The following UBP1 variants were observed in gnomAD, a reference collection of about 807,000 sequenced individuals.
UBP1 encodes upstream binding protein 1, also known as upstream-binding protein 1.
UBP1 carries 22 observed loss-of-function variants against 76.1 expected under a neutral mutation model. That is an observed-to-expected ratio of 0.29 (90% CI 0.21 to 0.41). The LOEUF is 0.41. Ranked by LOEUF, UBP1 falls within the 10% of genes least tolerant of loss-of-function variation. The probability of loss-of-function intolerance (pLI) is 1.00; values close to 1 mark genes in which losing one functional copy is unlikely to be tolerated. For synonymous variants in UBP1, 224 were observed against 237.1 expected (o/e 0.94, Z 0.51); for missense variants, 436 against 668.1 (o/e 0.65, Z 3.83).
chr3:33,394,817 G>GT (rs76142927), intron 13 of UBP1, among the ~76,000 whole-genome samples: 13,556 of 110,396 alleles, frequency 0.12, 2,135 homozygotes, highest in African/African-American at 0.36. Flanking sequence ...CCCTCCACTT[G>GT]TTTTTTTTTT....
chr3:33,402,020 AT>A (rs2044249367), intron 9 of UBP1, among the ~76,000 whole-genome samples: 1 of 152,182 alleles, frequency 6.6e-6, no homozygotes, highest in Non-Finnish European at 1.5e-5. Context: ...GGGAGAGCAC[AT>A]TTTTGCTTGC....
chr3:33,394,206 A>C lies in UBP1; in HGVS notation c.1391-752T>G, dbSNP rs1346185428. On this transcript the variant is annotated intron_variant, in intron 13 of 15. Coordinates refer to ENST00000283629, the MANE Select transcript of UBP1 (RefSeq NM_014517.5). ...CTGGCTAATTTTTATTATTATTATT[A>C]TTATTATTATTATTATTATTTGTAG... Among the ~76,000 whole-genome samples the C allele has an allele frequency of 2.0e-5, 3 of 148,268 alleles. No individual in the cohort carries two copies. In the East Asian group the frequency reaches 5.9e-4, roughly 29 times the overall value.
At chr3:33,427,166 T>C (rs1376168354) in intron 1 of UBP1, among the ~76,000 whole-genome samples, 2 of 152,206 alleles carry the variant, frequency 1.3e-5, no homozygotes, top group Non-Finnish European at 2.9e-5. Flanking sequence ...GGTTTCGCCA[T>C]GTAGGCCAGA....
intron 4 of UBP1, among the ~76,000 whole-genome samples, 160 bp downstream of exon 4, chr3:33,412,560 CGA>C (rs1325735132): frequency 4.1e-5 from 6 of 145,572 alleles, no homozygotes; most frequent in Non-Finnish European, 8.9e-5. Context: ...TTATCCTGGG[CGA>C]GAGAGCAAGG....
intron 14 of UBP1, chr3:33,392,950 T>G (rs1156633144): frequency 9.3e-6 from 3 of 321,786 alleles, no homozygotes. Flanking sequence ...GGGGAAAAAT[T>G]ATATATCTTA....
rs184508084 is a variant in UBP1, at chr3:33,424,844, G to C, written c.265+746C>G. On this transcript the variant is annotated intron_variant, in intron 2 of 15. Transcript: ENST00000283629. Reference sequence around the variant, plus strand: ...GCGGATCACTTAAGGTCAGGAGTCTGAGACTAGCCTGGCCAACATGGTGAA... The same window carrying C: ...GCGGATCACTTAAGGTCAGGAGTCTCAGACTAGCCTGGCCAACATGGTGAA... Among the ~76,000 whole-genome samples the C allele has an allele frequency of 1.0e-3, 152 of 152,288 alleles. 2 individuals carry two copies. Among genetic ancestry groups the C allele is most frequent in the African/African-American group, 3.5e-3 (147 of 41,564 alleles).
rs773747686 is a variant in UBP1, at chr3:33,390,404, G to A, written c.1586-36C>T. ...AGGAAAGACAGTATTTCTTCAGTCA[G>A]GCTTAGGAAATTAAGCCTATTAAAT... On this transcript the variant is annotated intron_variant, in intron 15 of 15. Transcript: ENST00000283629. The A allele has an allele frequency of 8.7e-6, 14 of 1,613,460 alleles. No homozygotes were observed. The Middle Eastern group carries it at 8.3e-4, about 95-fold the overall frequency.
intron 5 of UBP1, 115 bp from the exon 6 acceptor site, chr3:33,409,716 A>T: frequency 7.5e-7 from 1 of 1,339,746 alleles, no homozygotes; most frequent in South Asian, 1.3e-5. Flanking sequence ...TTTAAAATAA[A>T]CTCATCACAC....
chr3:33,395,738 G>T (rs2154055015), intron 13 of UBP1, among the ~76,000 whole-genome samples: 1 of 100,880 alleles, frequency 9.9e-6, no homozygotes, highest in Non-Finnish European at 1.8e-5. Flanking sequence ...CCCATACCTA[G>T]TCAGGAAAAT....
chr3:33,409,531 T>C lies in UBP1; in HGVS notation c.626A>G (p.Gln209Arg). 6.2e-7 allele frequency: 1 copy of C among 1,614,228 alleles called. No individual in the cohort carries two copies. Among genetic ancestry groups the C allele is most frequent in the Non-Finnish European group, 8.5e-7 (1 of 1,180,042 alleles). ...TTCATTCTGCTTAAAGGTGTCAACC[T>C]GGATCCTAAAGGGCACTCCCTTTTC... ...GGEKGVPFRI[Q>R]VDTFKQNENG... The change falls in exon 6 of 16, where the codon CAG becomes CGG. Residue 209 changes from glutamine (Q) to arginine (R), a missense_variant. Gln to Arg is a conservative substitution (Grantham distance 43, BLOSUM62 1). This residue lies in a region of UBP1 where 65 missense variants were observed against 157.4 expected (regional missense o/e 0.41). Transcript: ENST00000283629.
At chr3:33,423,460 GAACCAAGAA>G (rs1178101219) in intron 2 of UBP1, among the ~76,000 whole-genome samples, 1 of 152,014 alleles carries the variant, frequency 6.6e-6, no homozygotes, top group Non-Finnish European at 1.5e-5. Context: ...CACAATTCCA[GAACCAAGAA>G]AATACTCAAC....
intron 1 of UBP1, among the ~76,000 whole-genome samples, chr3:33,429,358 T>A (rs1379082946): frequency 1.3e-5 from 2 of 152,130 alleles, no homozygotes; most frequent in Non-Finnish European, 2.9e-5. Context: ...TCTTTATTTT[T>A]TTTTTTTTAA....
chr3:33,427,248 A>G (rs1175018917), intron 1 of UBP1, among the ~76,000 whole-genome samples: 2 of 152,212 alleles, frequency 1.3e-5, no homozygotes, highest in Non-Finnish European at 2.9e-5. Context: ...TATAGGCGTG[A>G]GCCATCACGC....
chr3:33,407,394 T>C (rs2044455394), intron 8 of UBP1, among the ~76,000 whole-genome samples: 1 of 152,104 alleles, frequency 6.6e-6, no homozygotes, highest in Admixed American at 6.5e-5. Flanking sequence ...AGAGGAAAAG[T>C]GAGTTGCCAG....
At chr3:33,422,257 A>C (rs1164619941) in intron 2 of UBP1, among the ~76,000 whole-genome samples, 1 of 152,044 alleles carries the variant, frequency 6.6e-6, no homozygotes, top group Non-Finnish European at 1.5e-5. Flanking sequence ...GAATCCTCTC[A>C]TTAGAAAAAT....
At chr3:33,407,359 TA>T (rs889941476) in intron 8 of UBP1, among the ~76,000 whole-genome samples, 1 of 152,172 alleles carries the variant, frequency 6.6e-6, no homozygotes, top group African/African-American at 2.4e-5. Flanking sequence ...CCTACTTCTT[TA>T]TTAGTTAAAT....
In UBP1 at chr3:33,392,577, A is replaced by T; in HGVS notation, c.1571T>A (p.Phe524Tyr). The T allele has an allele frequency of 6.2e-7, 1 of 1,611,984 alleles. No homozygotes were observed. The highest frequency in any genetic ancestry group is 2.2e-5 in the East Asian group (1 of 44,814). ...ATGCAAAGTACCTTTTACTGTGGAG[A>T]ATAAAAAACAACTCTCATCTTGAAA... ...QNFQDESCFL[F>Y]STVKAESSDG... The change falls in exon 15 of 16, where the codon TTC becomes TAC. Residue 524 changes from phenylalanine to tyrosine, a missense_variant. This residue lies in a region of UBP1 where 210 missense variants were observed against 272.8 expected (regional missense o/e 0.77). Coordinates refer to ENST00000283629, the MANE Select transcript of UBP1 (RefSeq NM_014517.5).
intron 4 of UBP1, 76 bp downstream of exon 4, chr3:33,412,646 G>T: frequency 5.4e-6 from 5 of 925,724 alleles, no homozygotes; most frequent in South Asian, 1.4e-5. Flanking sequence ...AGTAATTCAT[G>T]ATGCCAACAC....
chr3:33,419,909 G>A (rs1048315479), intron 2 of UBP1, among the ~76,000 whole-genome samples: 6 of 152,132 alleles, frequency 3.9e-5, no homozygotes, highest in African/African-American at 1.4e-4. Flanking sequence ...TGAGATGCTA[G>A]TCCTATTTTT....
Sources: gnomAD v4.1 joint callset for allele counts (sites outside exome capture counted in the v4.1 genomes callset) on GRCh38, gnomAD v4.1.1 for gene constraint, gnomAD v4.1.1 regional missense constraint, MANE v1.5 for transcripts, NCBI Gene and HGNC (gene_info 2026-07-23, HGNC 2026-07-21) for gene names.